SPAG16: variants seen among roughly 807,000 people sequenced by gnomAD.
SPAG16 encodes the protein sperm-associated antigen 16 protein.
Under a neutral mutation model 80.4 loss-of-function variants are expected in SPAG16, and 86 were observed. That is an observed-to-expected ratio of 1.07 (90% confidence interval 0.90 to 1.28). The LOEUF is 1.28. Among genes scored for constraint, SPAG16 ranks in the 50% most tolerant of loss-of-function variants. The pLI is 0.00. For missense variants in SPAG16, 870 were observed against 765.3 expected (o/e 1.14, Z -1.61); for synonymous variants, 294 against 265.9 (o/e 1.11, Z -1.03).
intron 15 of SPAG16, among the ~76,000 whole-genome samples, chr2:214,213,492 G>C (rs1446742398): frequency 1.3e-5 from 2 of 152,166 alleles, no homozygotes; most frequent in African/African-American, 4.8e-5. Context: ...CTGAACCCAA[G>C]GGAGCAAGCA....
intron 15 of SPAG16, among the ~76,000 whole-genome samples, chr2:214,406,303 TGAAAA>T (rs1701994904): frequency 6.6e-6 from 1 of 152,166 alleles, no homozygotes; most frequent in Non-Finnish European, 1.5e-5. Context: ...GAAAATTGAT[TGAAAA>T]GTTTTAAAAA....
intron 15 of SPAG16, among the ~76,000 whole-genome samples, chr2:214,289,770 T>A (rs1576689852): frequency 9.1e-6 from 1 of 109,934 alleles, no homozygotes; most frequent in African/African-American, 5.0e-5. Context: ...GAAAGTGACA[T>A]TCTTACTTTG....
intron 10 of SPAG16, among the ~76,000 whole-genome samples, chr2:213,500,810 A>C (rs1166457484): frequency 6.6e-6 from 1 of 152,206 alleles, no homozygotes; most frequent in Non-Finnish European, 1.5e-5. Context: ...TTTTCTTCAG[A>C]AGGAATTAAA....
chr2:213,878,631 G>A (rs908616759), intron 11 of SPAG16, among the ~76,000 whole-genome samples: 2 of 152,084 alleles, frequency 1.3e-5, no homozygotes, highest in African/African-American at 4.8e-5. Flanking sequence ...GATTATTTAT[G>A]TTTCTGTGCA....
intron 11 of SPAG16, among the ~76,000 whole-genome samples, chr2:213,892,948 C>T (rs1354064386): frequency 1.3e-5 from 2 of 152,034 alleles, no homozygotes; most frequent in Non-Finnish European, 2.9e-5. Context: ...TAAGTTACAT[C>T]CAAGCACACA....
chr2:213,612,745 C>A (rs1178683686), intron 10 of SPAG16, among the ~76,000 whole-genome samples: 1 of 152,084 alleles, frequency 6.6e-6, no homozygotes, highest in African/African-American at 2.4e-5. Flanking sequence ...GTGCCAAGGC[C>A]CCGTTTCAGC....
At chr2:213,428,942 A>G (rs1428426049) in intron 9 of SPAG16, among the ~76,000 whole-genome samples, 1 of 152,024 alleles carries the variant, frequency 6.6e-6, no homozygotes, top group Admixed American at 6.6e-5. Flanking sequence ...ATACAAAAAA[A>G]TTAGCTGAGC....
intron 10 of SPAG16, among the ~76,000 whole-genome samples, chr2:213,637,174 A>AT (rs1177781218): frequency 6.6e-6 from 1 of 152,032 alleles, no homozygotes; most frequent in Non-Finnish European, 1.5e-5. Flanking sequence ...GGCATGCTGG[A>AT]TTTTGTCGAA....
chr2:214,143,127 A>G (rs538482562), intron 14 of SPAG16, among the ~76,000 whole-genome samples: 12 of 151,266 alleles, frequency 7.9e-5, no homozygotes, highest in Middle Eastern at 3.4e-3. Context: ...AATCCTGGCC[A>G]TTTCTTTTTT....
At chr2:214,031,444 G>T (rs1157873099) in intron 13 of SPAG16, among the ~76,000 whole-genome samples, 1 of 90,618 alleles carries the variant, frequency 1.1e-5, no homozygotes, top group African/African-American at 4.2e-5. Flanking sequence ...GTTGTGGGGT[G>T]GGGGGAGGGG....
Position 214,258,471 on chromosome 2 carries a change from G to GTATATATATATATA in SPAG16, c.1720+109212_1720+109225dup, listed in dbSNP as rs146532641. The stretch of plus-strand genomic sequence containing the variant: ...ACAGTGTGTGTATGTATGTGTGTGT[G>GTATATATATATATA]TATATATATATATATATATACACAC... On this transcript the variant is annotated intron_variant, in intron 15 of 15. Coordinates refer to ENST00000331683, the MANE Select transcript of SPAG16 (RefSeq NM_024532.5). 6.6e-3 allele frequency among the ~76,000 whole-genome samples: 938 copies of GTATATATATATATA among 141,384 alleles called. 3 individuals carry two copies. The highest frequency in any genetic ancestry group is 0.015 in the Middle Eastern group (4 of 260). The allele number at this position is 141,384 out of a possible 152,430, so 92.8% of individuals were successfully genotyped here. A position where few individuals can be genotyped will look rare whatever the true frequency, so the allele number is the denominator to read the frequency against.
intron 10 of SPAG16, among the ~76,000 whole-genome samples, chr2:213,582,868 A>G (rs549311395): frequency 7.2e-4 from 110 of 152,276 alleles, no homozygotes; most frequent in African/African-American, 2.6e-3. Flanking sequence ...TAATTATATA[A>G]TCAACAGAAC....
chr2:213,499,003 A>T lies in SPAG16; in HGVS notation c.1070+8913A>T, dbSNP rs147446934. The stretch of plus-strand genomic sequence containing the variant: ...TCATAGTAGTCTTTCTAAAATAGAG[A>T]TCCAATATCTTATTTGTGCTTTAAA... On this transcript the variant is annotated intron_variant, in intron 10 of 15. Coordinates refer to ENST00000331683, the MANE Select transcript of SPAG16 (RefSeq NM_024532.5). Among the ~76,000 whole-genome samples, 31 of 152,228 alleles carry T rather than the reference A, an allele frequency of 2.0e-4. No homozygotes were observed. The East Asian group carries it at 6.0e-3, about 29-fold the overall frequency.
chr2:213,345,206 C>T (rs558473713), intron 6 of SPAG16, among the ~76,000 whole-genome samples: 68 of 148,346 alleles, frequency 4.6e-4, no homozygotes, highest in Non-Finnish European at 8.4e-4. Flanking sequence ...TCATATCCTT[C>T]GCCCACTTGT....
intron 6 of SPAG16, among the ~76,000 whole-genome samples, chr2:213,343,796 C>G (rs188244163): frequency 2.0e-5 from 3 of 151,196 alleles, no homozygotes; most frequent in African/African-American, 7.3e-5. Flanking sequence ...AACTGGTGCA[C>G]AAAGAGAAAA....
intron 10 of SPAG16, among the ~76,000 whole-genome samples, chr2:213,681,831 C>T (rs906495530): frequency 1.3e-5 from 2 of 152,112 alleles, no homozygotes; most frequent in Non-Finnish European, 2.9e-5. Flanking sequence ...AGTGAATCAG[C>T]CTTGGCTTTT....
In SPAG16 at chr2:214,017,970, A is replaced by G. The variant is rs192505364; in HGVS notation, c.1527+3893A>G. Among the ~76,000 whole-genome samples, 159 of 152,254 alleles carry G rather than the reference A, an allele frequency of 1.0e-3. 1 individual carries two copies. The highest frequency in any genetic ancestry group is 3.5e-3 in the African/African-American group (146 of 41,570). On this transcript the variant is annotated intron_variant, in intron 13 of 15. Transcript: ENST00000331683. ...TTCCTAAATGTATCATAAATGCATC[A>G]TTAATTAGAAATAAAGTTCATTTAA...
chr2:214,357,360 A>G (rs1393230281), intron 15 of SPAG16, among the ~76,000 whole-genome samples: 3 of 151,730 alleles, frequency 2.0e-5, no homozygotes, highest in Non-Finnish European at 4.4e-5. Flanking sequence ...ACTTCACACT[A>G]TTCTCCTTTT....
chr2:213,775,705 A>G (rs1489752923), intron 10 of SPAG16, among the ~76,000 whole-genome samples: 2 of 152,232 alleles, frequency 1.3e-5, no homozygotes, highest in Non-Finnish European at 2.9e-5. Context: ...TAGATTCTTC[A>G]TATAAGTGTT....
Sources: allele counts gnomAD v4.1 joint callset (sites outside exome capture counted in the v4.1 genomes callset), GRCh38; gene constraint gnomAD v4.1.1; transcripts MANE v1.5; gene names NCBI Gene and HGNC (gene_info 2026-07-23, HGNC 2026-07-21).